MARCHF11: variants seen among roughly 807,000 people sequenced by gnomAD.
MARCHF11 encodes the protein membrane associated ring-CH-type finger 11.
Under a neutral mutation model 37.3 loss-of-function variants are expected in MARCHF11, and 29 were observed. That is an observed-to-expected ratio of 0.78 (90% CI 0.58 to 1.06). The LOEUF is 1.06. Among genes scored for constraint, MARCHF11 ranks in the 50% least tolerant of loss-of-function variants. The probability of loss-of-function intolerance (pLI) is 0.00; values close to 1 mark genes in which losing one functional copy is unlikely to be tolerated. For missense variants in MARCHF11, 482 were observed against 533.4 expected (o/e 0.90, Z 0.95); for synonymous variants, 233 against 228.0 (o/e 1.02, Z -0.20).
intron 3 of MARCHF11, among the ~76,000 whole-genome samples, chr5:16,077,001 T>A (rs1028758780): frequency 6.6e-6 from 1 of 152,220 alleles, no homozygotes; most frequent in South Asian, 2.1e-4. Flanking sequence ...CTGGCCTTTA[T>A]CCTAAAGGGT....
At chr5:16,067,885 G>A (rs1579669664) in intron 3 of MARCHF11, 92 bp from the exon 4 acceptor site, 1 of 1,126,378 alleles carries the variant, frequency 8.9e-7, no homozygotes, top group Non-Finnish European at 1.2e-6. Flanking sequence ...TCCAAAAATA[G>A]TTATGTTATT....
At chr5:16,168,045 T>C (rs1738199402) in intron 2 of MARCHF11, among the ~76,000 whole-genome samples, 1 of 152,132 alleles carries the variant, frequency 6.6e-6, no homozygotes, top group African/African-American at 2.4e-5. Flanking sequence ...TGTCACATTA[T>C]ATGAATAATC....
At position 16,177,836 on chromosome 5, in the gene MARCHF11, T is replaced by C; in HGVS notation, c.583A>G (p.Thr195Ala). 6.2e-7 allele frequency: 1 copy of C among 1,613,252 alleles called. No homozygotes were observed. The highest frequency in any genetic ancestry group is 1.1e-5 in the South Asian group (1 of 90,926). The change falls in exon 2 of 4, where the codon ACA (threonine) becomes GCA (alanine). Residue 195 changes from threonine (T) to alanine (A), a missense_variant. Thr to Ala is a moderately conservative substitution (Grantham distance 58). Coordinates refer to ENST00000332432, the MANE Select transcript of MARCHF11 (RefSeq NM_001102562.3). ...CATTTTAGCAGGCACAGCTGATGTG[T>C]ATACCGAACTGACCCATCACATCGG... is the stretch of plus-strand genomic sequence containing the variant. ...PCRCDGSVRY[T>A]HQLCLLKWIS...
intron 2 of MARCHF11, among the ~76,000 whole-genome samples, chr5:16,162,434 C>T (rs1307993295): frequency 1.3e-5 from 2 of 151,974 alleles, no homozygotes; most frequent in African/African-American, 4.8e-5. Flanking sequence ...AGTAAATATT[C>T]ACTAGCATAC....
In MARCHF11 at chr5:16,067,626, G is replaced by A. The variant is rs779149046; in HGVS notation, c.1054C>T (p.Arg352Trp). The change falls in exon 4 of 4, where the codon CGG (arginine) becomes TGG (tryptophan). Residue 352 changes from arginine (R) to tryptophan (W), a missense_variant. Transcript: ENST00000332432. Reference protein sequence around the residue: ...RTLWLPLTALRNRNLVHPTQL... With the variant: ...RTLWLPLTALWNRNLVHPTQL... Reference sequence around the variant, plus strand: ...GTTGGGTGGACCAAGTTTCTGTTCCGCAGAGCTGTCAATGGCAACCACAAA... The same window carrying A: ...GTTGGGTGGACCAAGTTTCTGTTCCACAGAGCTGTCAATGGCAACCACAAA... The A allele has an allele frequency of 1.1e-5, 17 of 1,613,834 alleles. No individual in the cohort carries two copies. Among genetic ancestry groups the A allele is most frequent in the South Asian group, 3.3e-5 (3 of 91,088 alleles).
chr5:16,085,734 C>T (rs191733322), intron 3 of MARCHF11, among the ~76,000 whole-genome samples: 2,299 of 151,886 alleles, frequency 0.015, 42 homozygotes, highest in African/African-American at 0.052. Context: ...GGGTGGATCA[C>T]GAGGTCAGGA....
chr5:16,071,605 T>A (rs1432823350), intron 3 of MARCHF11, among the ~76,000 whole-genome samples: 1 of 152,206 alleles, frequency 6.6e-6, no homozygotes, highest in Non-Finnish European at 1.5e-5. Context: ...GCTATCCAGG[T>A]ACATATGGTC....
intron 3 of MARCHF11, among the ~76,000 whole-genome samples, chr5:16,069,775 T>G (rs1262157129): frequency 6.6e-6 from 1 of 152,062 alleles, no homozygotes; most frequent in Non-Finnish European, 1.5e-5. Flanking sequence ...TACAATGAGG[T>G]AAGTGTTTTG....
At chr5:16,156,810 GC>G (rs1323398610) in intron 2 of MARCHF11, among the ~76,000 whole-genome samples, 2 of 151,740 alleles carry the variant, frequency 1.3e-5, no homozygotes, top group Non-Finnish European at 2.9e-5. Context: ...TAAACTACAA[GC>G]CTATACAATA....
intron 2 of MARCHF11, among the ~76,000 whole-genome samples, chr5:16,153,577 C>T (rs982394338): frequency 6.6e-6 from 1 of 151,908 alleles, no homozygotes; most frequent in African/African-American, 2.4e-5. Flanking sequence ...TGCAGTTAAG[C>T]GCAGTATTCT....
chr5:16,085,866 G>A (rs1425513042), intron 3 of MARCHF11, among the ~76,000 whole-genome samples: 1 of 146,556 alleles, frequency 6.8e-6, no homozygotes, highest in African/African-American at 2.6e-5. Flanking sequence ...CATGAACCCG[G>A]GAGGTGGAGC....
intron 2 of MARCHF11, among the ~76,000 whole-genome samples, chr5:16,153,335 A>G (rs1174255471): frequency 6.6e-6 from 1 of 151,960 alleles, no homozygotes; most frequent in Non-Finnish European, 1.5e-5. Context: ...AACAAGGACA[A>G]CTGGTTTGGC....
chr5:16,179,478 G>A lies in MARCHF11; in HGVS notation c.98C>T (p.Thr33Met). ...PPQPPPPPPPTPPPGEPAPVP... is the reference protein window; with the variant it reads ...PPQPPPPPPPMPPPGEPAPVP... Reference sequence around the variant, plus strand: ...CGGGGCCGGCTCTCCCGGCGGCGGCGTCGGCGGCGGCGGCGGGGGAGGTTG... The same window carrying A: ...CGGGGCCGGCTCTCCCGGCGGCGGCATCGGCGGCGGCGGCGGGGGAGGTTG... The change falls in exon 1 of 4, where the codon ACG becomes ATG. Residue 33 changes from threonine (T) to methionine (M), a missense_variant. Thr to Met is a moderately conservative substitution (Grantham distance 81). Coordinates refer to ENST00000332432, the MANE Select transcript of MARCHF11 (RefSeq NM_001102562.3). 8.8e-6 allele frequency: 10 copies of A among 1,140,614 alleles called. No individual in the cohort carries two copies. The highest frequency in any genetic ancestry group is 1.1e-5 in the Non-Finnish European group (10 of 930,564). The allele number at this position is 1,140,614 out of a possible 1,614,324, so 70.7% of individuals were successfully genotyped here. A position where few individuals can be genotyped will look rare whatever the true frequency, so the allele number is the denominator to read the frequency against.
At chr5:16,127,301 T>C (rs1019845940) in intron 2 of MARCHF11, among the ~76,000 whole-genome samples, 1 of 152,148 alleles carries the variant, frequency 6.6e-6, no homozygotes, top group Non-Finnish European at 1.5e-5. Context: ...CAGTCAGATG[T>C]AAGTGACCAG....
intron 2 of MARCHF11, among the ~76,000 whole-genome samples, chr5:16,170,250 A>G (rs1423900822): frequency 1.3e-5 from 2 of 152,072 alleles, no homozygotes. Flanking sequence ...GCTAGAAGAA[A>G]CCCTTCAAAC....
chr5:16,078,726 TG>T (rs570066190), intron 3 of MARCHF11, among the ~76,000 whole-genome samples: 10 of 152,178 alleles, frequency 6.6e-5, no homozygotes, highest in Non-Finnish European at 1.0e-4. Context: ...CAGTGAGGGA[TG>T]GGGACAGGTG....
intron 2 of MARCHF11, among the ~76,000 whole-genome samples, chr5:16,109,141 C>CACACAT (rs1553995420): frequency 2.6e-5 from 4 of 151,114 alleles, no homozygotes; most frequent in Non-Finnish European, 5.9e-5. Flanking sequence ...CACACACACA[C>CACACAT]GTTTGGTCTT....
At chr5:16,136,901 C>T (rs1262139104) in intron 2 of MARCHF11, among the ~76,000 whole-genome samples, 2 of 152,028 alleles carry the variant, frequency 1.3e-5, no homozygotes, top group African/African-American at 2.4e-5. Flanking sequence ...GCTAAAGAAA[C>T]ATAATGAACT....
In MARCHF11 at chr5:16,098,639, T is replaced by C. The variant is rs902958703; in HGVS notation, c.694-7558A>G. On this transcript the variant is annotated intron_variant, in intron 2 of 3. Transcript: ENST00000332432. ...AAAAATTAGCCAGGTGTGGTGGCAG[T>C]CTCCTGCAATCCCAGCTACTCAGGA... 2.6e-5 allele frequency among the ~76,000 whole-genome samples: 4 copies of C among 151,590 alleles called. No homozygotes were observed. In the East Asian group the frequency reaches 5.9e-4, roughly 22 times the overall value.
Sources: allele counts gnomAD v4.1 joint callset (sites outside exome capture counted in the v4.1 genomes callset), GRCh38; gene constraint gnomAD v4.1.1; transcripts MANE v1.5; gene names NCBI Gene and HGNC (gene_info 2026-07-23, HGNC 2026-07-21).